The following PTPRD variants were observed in gnomAD, a reference collection of about 807,000 sequenced individuals.
PTPRD encodes the protein protein tyrosine phosphatase receptor type D, also known as receptor-type tyrosine-protein phosphatase delta.
A neutral mutation model predicts 214.5 loss-of-function variants in PTPRD; 34 were observed. The observed-to-expected ratio is 0.16, with a 90% confidence interval of 0.12 to 0.21. The LOEUF (loss-of-function observed/expected upper bound fraction) is 0.21, where lower values mean the gene tolerates loss of function less well. Ranked by LOEUF, PTPRD falls within the 10% of genes least tolerant of loss-of-function variation. The pLI is 1.00. For synonymous variants in PTPRD, 1,128 were observed against 845.7 expected (o/e 1.33, Z -5.79); for missense variants, 2,545 against 2,398.7 (o/e 1.06, Z -1.27).
chr9:9,095,969 G>A (rs926831136), intron 10 of PTPRD, among the ~76,000 whole-genome samples: 1 of 152,134 alleles, frequency 6.6e-6, no homozygotes, highest in African/African-American at 2.4e-5. Context: ...TAACCTTGGA[G>A]GATATTAGGC....
intron 8 of PTPRD, among the ~76,000 whole-genome samples, chr9:9,573,050 G>C (rs1034458092): frequency 6.6e-6 from 1 of 151,484 alleles, no homozygotes; most frequent in Non-Finnish European, 1.5e-5. Context: ...ACATGTTCCT[G>C]ATATCCAAAT....
intron 2 of PTPRD, among the ~76,000 whole-genome samples, chr9:10,391,280 T>G (rs139765252): frequency 1.7e-3 from 264 of 151,958 alleles, no homozygotes; most frequent in Middle Eastern, 3.4e-3. Context: ...TGATTATTTT[T>G]GTGGTTTGGA....
chr9:8,833,040 T>C (rs1424481728), intron 11 of PTPRD, among the ~76,000 whole-genome samples: 1 of 152,164 alleles, frequency 6.6e-6, no homozygotes, highest in African/African-American at 2.4e-5. Context: ...TACAACTGAC[T>C]TGATATCTTC....
chr9:8,502,848 G>A lies in PTPRD; in HGVS notation c.1822+1413C>T, dbSNP rs967834575. The stretch of plus-strand genomic sequence containing the variant: ...GTCTATTCAATATGTATGTGTGTGT[G>A]TATATATATATATATACACACACAC... On this transcript the variant is annotated intron_variant, in intron 23 of 45. Coordinates refer to ENST00000381196, the MANE Select transcript of PTPRD (RefSeq NM_002839.4). Among the ~76,000 whole-genome samples, 29 of 147,156 alleles carry A rather than the reference G, an allele frequency of 2.0e-4. No individual in the cohort carries two copies. In the South Asian group the frequency reaches 3.9e-3, roughly 20 times the overall value.
chr9:8,979,649 C>T (rs562408235), intron 11 of PTPRD, among the ~76,000 whole-genome samples: 1 of 152,166 alleles, frequency 6.6e-6, no homozygotes, highest in South Asian at 2.1e-4. Context: ...CTCAACATCA[C>T]TAATTATCAG....
At chr9:10,542,907 G>T (rs1404197811) in intron 2 of PTPRD, among the ~76,000 whole-genome samples, 1 of 151,514 alleles carries the variant, frequency 6.6e-6, no homozygotes, top group Non-Finnish European at 1.5e-5. Context: ...TATTTTATTT[G>T]TTTATTTATT....
At chr9:10,253,162 A>G (rs1315426137) in intron 3 of PTPRD, among the ~76,000 whole-genome samples, 1 of 152,196 alleles carries the variant, frequency 6.6e-6, no homozygotes, top group South Asian at 2.1e-4. Flanking sequence ...ATGATTAAAA[A>G]AATTTCTGAT....
chr9:8,578,993 G>A (rs944668464), intron 14 of PTPRD, among the ~76,000 whole-genome samples: 4 of 152,102 alleles, frequency 2.6e-5, no homozygotes, highest in African/African-American at 9.7e-5. Context: ...TATTTCAGAG[G>A]TGCTCTAGGA....
chr9:9,143,864 C>T (rs987684107), intron 10 of PTPRD, among the ~76,000 whole-genome samples: 1 of 152,138 alleles, frequency 6.6e-6, no homozygotes, highest in Non-Finnish European at 1.5e-5. Flanking sequence ...CTTAGTGATC[C>T]GAATTAAGCA....
chr9:10,576,573 G>C (rs765294397), intron 2 of PTPRD, among the ~76,000 whole-genome samples: 1 of 152,076 alleles, frequency 6.6e-6, no homozygotes, highest in East Asian at 1.9e-4. Context: ...TCTTAGACTA[G>C]GCTACATTTG....
At chr9:8,939,937 A>T (rs1485692350) in intron 11 of PTPRD, among the ~76,000 whole-genome samples, 1 of 151,946 alleles carries the variant, frequency 6.6e-6, no homozygotes, top group Non-Finnish European at 1.5e-5. Context: ...ATTAACATGT[A>T]TATTTTTGGT....
At chr9:10,508,186 C>G (rs148291725) in intron 2 of PTPRD, among the ~76,000 whole-genome samples, 11 of 152,240 alleles carry the variant, frequency 7.2e-5, no homozygotes, top group African/African-American at 2.6e-4. Context: ...CCAACAGATA[C>G]ATGAAAAAAT....
intron 9 of PTPRD, among the ~76,000 whole-genome samples, chr9:9,244,466 C>A (rs1283656654): frequency 6.6e-6 from 1 of 152,024 alleles, no homozygotes; most frequent in Non-Finnish European, 1.5e-5. Context: ...AGAACAGAGC[C>A]CTCAGAAATA....
At chr9:10,435,080 C>G (rs1050713030) in intron 2 of PTPRD, among the ~76,000 whole-genome samples, 2 of 151,878 alleles carry the variant, frequency 1.3e-5, no homozygotes, top group Non-Finnish European at 2.9e-5. Flanking sequence ...TTTTGAAGGA[C>G]AGTTTTGCTC....
At chr9:8,514,231 A>G (rs2097740546) in intron 21 of PTPRD, among the ~76,000 whole-genome samples, 1 of 152,156 alleles carries the variant, frequency 6.6e-6, no homozygotes, top group Middle Eastern at 3.2e-3. Flanking sequence ...ATAGATTACG[A>G]CTGAAGGCAT....
At chr9:8,866,676 T>C (rs959337915) in intron 11 of PTPRD, among the ~76,000 whole-genome samples, 1 of 152,202 alleles carries the variant, frequency 6.6e-6, no homozygotes, top group South Asian at 2.1e-4. Context: ...ATTCCAGCAT[T>C]GTCTGGATAA....
chr9:9,525,428 T>TA (rs1337225971), intron 8 of PTPRD, among the ~76,000 whole-genome samples: 7 of 152,092 alleles, frequency 4.6e-5, no homozygotes, highest in Admixed American at 1.3e-4. Context: ...GTAAAACTTT[T>TA]AAAAAAAGTA....
chr9:8,502,848 G>GTGTATATATA (rs1554658829), intron 23 of PTPRD, among the ~76,000 whole-genome samples: 5 of 147,160 alleles, frequency 3.4e-5, no homozygotes, highest in South Asian at 4.3e-4. Context: ...ATGTGTGTGT[G>GTGTATATATA]TATATATATA....
chr9:10,527,370 C>A (rs899997033), intron 2 of PTPRD, among the ~76,000 whole-genome samples: 17 of 152,076 alleles, frequency 1.1e-4, no homozygotes, highest in African/African-American at 3.9e-4. Flanking sequence ...AGTGACACAC[C>A]TGGGAGGTCT....
Sources: gnomAD v4.1 joint callset for allele counts (sites outside exome capture counted in the v4.1 genomes callset) on GRCh38, gnomAD v4.1.1 for gene constraint, MANE v1.5 for transcripts, NCBI Gene and HGNC (gene_info 2026-07-23, HGNC 2026-07-21) for gene names.